The following ARHGEF10 variants were observed in gnomAD, a reference collection of about 807,000 sequenced individuals.
ARHGEF10 encodes the protein Rho guanine nucleotide exchange factor 10, also known as Rho guanine nucleotide exchange factor (GEF) 10.
In ARHGEF10, 140 loss-of-function variants were observed where a neutral mutation model predicts 147.4. The ratio of observed to expected loss-of-function variants is 0.95; its 90% CI spans 0.83 to 1.09. The LOEUF is 1.09. Among genes scored for constraint, ARHGEF10 ranks in the 50% least tolerant of loss-of-function variants. ARHGEF10 has a pLI of 0.00. For missense variants in ARHGEF10, 2,222 were observed against 1,752.7 expected (o/e 1.27, Z -4.78); for synonymous variants, 902 against 695.8 (o/e 1.30, Z -4.67).
At chr8:1,927,527 A>C (rs1812778166) in intron 23 of ARHGEF10, 1 of 152,238 alleles carries the variant, frequency 6.6e-6, no homozygotes, top group Admixed American at 6.5e-5. Flanking sequence ...AAATAAATTT[A>C]AGTTTAAATT....
intron 11 of ARHGEF10, among the ~76,000 whole-genome samples, chr8:1,892,080 C>T (rs1232434421): frequency 1.3e-5 from 2 of 150,860 alleles, no homozygotes; most frequent in Admixed American, 6.6e-5. Context: ...TGTTTGACCC[C>T]CACAACTGTG....
chr8:1,885,966 C>T (rs1451139608), intron 11 of ARHGEF10, among the ~76,000 whole-genome samples: 5 of 152,092 alleles, frequency 3.3e-5, no homozygotes, highest in Admixed American at 3.3e-4. Context: ...GCACCCCTGC[C>T]CCTGAGTGTA....
rs1205212938 is a variant in ARHGEF10, at chr8:1,893,639, T to A, written c.1253T>A (p.Ile418Asn). 5 of 1,609,868 alleles carry A rather than the reference T, an allele frequency of 3.1e-6. No homozygotes were observed. The highest frequency in any genetic ancestry group is 4.3e-6 in the Non-Finnish European group (5 of 1,176,390). ...EKNYVDALKR[I>N]LEQYEKPLSE... ...AACTACGTAGATGCTCTTAAGAGGATTTTGGAGGTACTTAAGTGTCGTGTT... is the reference window on the plus strand; with the variant it reads ...AACTACGTAGATGCTCTTAAGAGGAATTTGGAGGTACTTAAGTGTCGTGTT... Residue 418 changes from isoleucine (I) to asparagine (N), a missense_variant, in exon 12 of 29, where the codon ATT (isoleucine) becomes AAT (asparagine). Physicochemically the swap from Ile to Asn is moderately radical, Grantham distance 149. Transcript: ENST00000349830.
At position 1,958,403 on chromosome 8, in the gene ARHGEF10, C is replaced by G. The variant is rs1185029257; in HGVS notation, c.*1140C>G. ...ACTTAGTGAGCGCCATCCTGCTGAA[C>G]GTGTATTTCAGTGTTTCACTTACTG... On this transcript the variant is annotated 3_prime_UTR_variant, in exon 29 of 29. Coordinates refer to ENST00000349830, the MANE Select transcript of ARHGEF10 (RefSeq NM_014629.4). 6.6e-6 allele frequency: 1 copy of G among 152,194 alleles called. No homozygotes were observed. Among genetic ancestry groups the G allele is most frequent in the East Asian group, 1.9e-4 (1 of 5,190 alleles). The allele number at this position is 152,194 out of a possible 1,614,324, so 9.4% of individuals were successfully genotyped here. A position where few individuals can be genotyped will look rare whatever the true frequency, so the allele number is the denominator to read the frequency against.
At position 1,843,359 on chromosome 8, in the gene ARHGEF10, C is replaced by T. The variant is rs763842429; in HGVS notation, c.-41C>T. ...GTGTCTCTCCTTCTTGCAGGAGCTC[C>T]TTCCCTTAACAGAGCTGAGAGAGGC... On this transcript the variant is annotated 5_prime_UTR_variant, in exon 2 of 29. Transcript: ENST00000349830. 5 of 1,612,230 alleles carry T rather than the reference C, an allele frequency of 3.1e-6. No individual in the cohort carries two copies. The South Asian group carries it at 4.4e-5, about 14-fold the overall frequency.
chr8:1,840,716 A>G (rs1182556599), intron 1 of ARHGEF10, among the ~76,000 whole-genome samples: 1 of 152,128 alleles, frequency 6.6e-6, no homozygotes, highest in African/African-American at 2.4e-5. Flanking sequence ...CATGAGCGTC[A>G]TTCCCTACAT....
intron 14 of ARHGEF10, among the ~76,000 whole-genome samples, chr8:1,898,231 C>T (rs1025423974): frequency 6.6e-6 from 1 of 152,190 alleles, no homozygotes; most frequent in Non-Finnish European, 1.5e-5. Flanking sequence ...TGAGGTCGGG[C>T]CCCTGCAGCA....
chr8:1,826,483 G>C (rs1802781801), intron 1 of ARHGEF10, among the ~76,000 whole-genome samples: 1 of 152,074 alleles, frequency 6.6e-6, no homozygotes, highest in South Asian at 2.1e-4. Flanking sequence ...TGGGTGGTGT[G>C]GAGGGTGTGG....
chr8:1,931,999 A>T (rs1045635825), intron 25 of ARHGEF10, among the ~76,000 whole-genome samples: 2 of 152,186 alleles, frequency 1.3e-5, no homozygotes, highest in African/African-American at 2.4e-5. Flanking sequence ...GTTTCAAAGG[A>T]ATGGTGCTAT....
intron 11 of ARHGEF10, among the ~76,000 whole-genome samples, chr8:1,890,918 T>G (rs1485226425): frequency 5.9e-5 from 9 of 152,204 alleles, no homozygotes; most frequent in African/African-American, 1.2e-4. Flanking sequence ...TGTAAAGGGT[T>G]TAAGCTTCCC....
chr8:1,946,221 G>T (rs560885053), intron 27 of ARHGEF10, among the ~76,000 whole-genome samples: 2 of 152,322 alleles, frequency 1.3e-5, no homozygotes, highest in East Asian at 3.9e-4. Flanking sequence ...CTTCTTTCAC[G>T]GGTAGCCGGA....
chr8:1,930,432 G>T (rs1362010728), intron 25 of ARHGEF10, among the ~76,000 whole-genome samples: 3 of 152,110 alleles, frequency 2.0e-5, no homozygotes, highest in Non-Finnish European at 2.9e-5. Flanking sequence ...CGCTTCTACT[G>T]ATTCATTCTC....
intron 19 of ARHGEF10, 47 bp downstream of exon 19, chr8:1,923,126 G>T: frequency 7.5e-7 from 1 of 1,327,510 alleles, no homozygotes. Flanking sequence ...TTACTTATAA[G>T]TCATTGTAAG....
chr8:1,946,965 T>C (rs1464685414), intron 27 of ARHGEF10, among the ~76,000 whole-genome samples: 2 of 152,196 alleles, frequency 1.3e-5, no homozygotes, highest in African/African-American at 2.4e-5. Flanking sequence ...AGATTTCTCT[T>C]AGTGAGAAAA....
At chr8:1,903,820 A>G in intron 16 of ARHGEF10, 7 of 329,254 alleles carry the variant, frequency 2.1e-5, no homozygotes, top group South Asian at 1.8e-4. Context: ...CAGGCTAGGC[A>G]CAGTGGCTCA....
At position 1,929,247 on chromosome 8, in the gene ARHGEF10, G is replaced by A. The variant is rs201966158; in HGVS notation, c.2922-39G>A. The A allele has an allele frequency of 5.7e-5, 92 of 1,602,972 alleles. No homozygotes were observed. In the East Asian group the frequency reaches 1.0e-3, roughly 18 times the overall value. On this transcript the variant is annotated intron_variant, in intron 24 of 28. Transcript: ENST00000349830. ...CAGGCACCCTCGTTCTTGTTACAAC[G>A]AGCAAATATATTTATTAGCTTGTAT...
At chr8:1,866,734 A>G in intron 6 of ARHGEF10, 132 bp downstream of exon 6, 1 of 932,746 alleles carries the variant, frequency 1.1e-6, no homozygotes, top group East Asian at 2.5e-5. Flanking sequence ...TACTGAAAAT[A>G]GTAACATGGG....
intron 1 of ARHGEF10, among the ~76,000 whole-genome samples, chr8:1,826,394 G>T (rs895096479): frequency 7.1e-6 from 1 of 141,006 alleles, no homozygotes; most frequent in Non-Finnish European, 1.5e-5. Context: ...TTGTGTGTGC[G>T]TGTGTTTGTG....
chr8:1,902,670 C>T (rs1165839638), intron 15 of ARHGEF10, among the ~76,000 whole-genome samples: 1 of 152,124 alleles, frequency 6.6e-6, no homozygotes, highest in African/African-American at 2.4e-5. Context: ...CACGCAGCCA[C>T]TGCCCAGCGG....
Sources: allele counts gnomAD v4.1 joint callset (sites outside exome capture counted in the v4.1 genomes callset), GRCh38; gene constraint gnomAD v4.1.1; transcripts MANE v1.5; gene names NCBI Gene and HGNC (gene_info 2026-07-23, HGNC 2026-07-21).